KCNAB2: variants seen among roughly 807,000 people sequenced by gnomAD.
The protein encoded by KCNAB2 is potassium voltage-gated channel subfamily A regulatory beta subunit 2.
A neutral mutation model predicts 63.6 loss-of-function variants in KCNAB2; 29 were observed. The observed-to-expected ratio is 0.46, with a 90% CI of 0.34 to 0.62. The LOEUF (loss-of-function observed/expected upper bound fraction) is 0.62, where lower values mean the gene tolerates loss of function less well. Among genes scored for constraint, KCNAB2 ranks in the 20% least tolerant of loss-of-function variants. KCNAB2 has a pLI of 0.01. For missense variants in KCNAB2, 359 were observed against 563.9 expected (o/e 0.64, Z 3.68); for synonymous variants, 222 against 224.2 (o/e 0.99, Z 0.09).
intron 13 of KCNAB2, among the ~76,000 whole-genome samples, chr1:6,095,938 GC>G (rs1447114588): frequency 8.0e-6 from 1 of 124,254 alleles, no homozygotes; most frequent in African/African-American, 3.1e-5. Flanking sequence ...CCCCACCACA[GC>G]CCAGCATTCA....
chr1:6,087,825 C>G lies in KCNAB2; in HGVS notation c.470+314C>G, dbSNP rs561942872. ...AAACCTCGCTTAACTTTCCTTTTTA[C>G]TCACATGGATTATTTTTTCCTGGTC... On this transcript the variant is annotated intron_variant, in intron 7 of 15. Coordinates refer to ENST00000378083, the MANE Select transcript of KCNAB2 (RefSeq NM_001199862.2). The surrounding 1 kb of genome is among the most constrained non-coding windows in gnomAD (Gnocchi z 6.4). Among the ~76,000 whole-genome samples the G allele has an allele frequency of 3.9e-5, 6 of 152,214 alleles. No individual in the cohort carries two copies. The highest frequency in any genetic ancestry group is 8.8e-5 in the Non-Finnish European group (6 of 68,040).
rs971592974 is a variant in KCNAB2, at chr1:6,035,311, G to A, written c.-53+517G>A. On this transcript the variant is annotated intron_variant, in intron 1 of 15. Coordinates refer to the KCNAB2 transcript ENST00000164247. The surrounding 1 kb of genome is among the most constrained non-coding windows in gnomAD (Gnocchi z 5.0). ...TTGAGATTGGACTTTGGCTCTGAAT[G>A]GAATGGAAGCCATTGGAAGGTTTGG... Among the ~76,000 whole-genome samples the A allele has an allele frequency of 6.6e-6, 1 of 152,228 alleles. No individual in the cohort carries two copies. Among genetic ancestry groups the A allele is most frequent in the African/African-American group, 2.4e-5 (1 of 41,442 alleles).
At chr1:6,026,813 C>G (rs938387254) in intron 1 of KCNAB2, among the ~76,000 whole-genome samples, 3 of 152,224 alleles carry the variant, frequency 2.0e-5, no homozygotes, top group Admixed American at 1.3e-4. Flanking sequence ...GGGGCCACCT[C>G]TGTCCCTCTG....
intron 2 of KCNAB2, among the ~76,000 whole-genome samples, chr1:6,068,143 A>T (rs1662908014): frequency 1.3e-5 from 2 of 152,264 alleles, no homozygotes; most frequent in Non-Finnish European, 2.9e-5. Flanking sequence ...AGGAGTTAAA[A>T]GCGGGACTAT....
intron 2 of KCNAB2, among the ~76,000 whole-genome samples, chr1:6,055,348 A>G (rs982273690): frequency 6.8e-6 from 1 of 146,340 alleles, no homozygotes; most frequent in Non-Finnish European, 1.5e-5. Context: ...ACCAGAAGAC[A>G]AACGCTTTTT....
intron 5 of KCNAB2, 74 bp downstream of exon 5, chr1:6,082,348 G>A (rs1364049889): frequency 5.1e-6 from 6 of 1,187,992 alleles, no homozygotes; most frequent in South Asian, 1.2e-5. Context: ...GATTCCTGCC[G>A]CTCGCGTTCC....
chr1:6,086,493 T>TA lies in KCNAB2; in HGVS notation c.426-973dup, dbSNP rs1274722979. On this transcript the variant is annotated intron_variant, in intron 6 of 15. Coordinates refer to ENST00000378083, the MANE Select transcript of KCNAB2 (RefSeq NM_001199862.2). This position sits in a 1 kb window ranked among gnomAD's most constrained non-coding sequence, Gnocchi z 4.2. ...ATGCTTCGGGGCAGAGGAGGCCTCCTACTCCAGCCTCGTGAGCTGCTTCCC... is the reference window on the plus strand; with the variant it reads ...ATGCTTCGGGGCAGAGGAGGCCTCCTAACTCCAGCCTCGTGAGCTGCTTCCC... 3 of 608,540 alleles carry TA rather than the reference T, an allele frequency of 4.9e-6. No individual in the cohort carries two copies. The East Asian group carries it at 4.3e-4, about 86-fold the overall frequency. The allele number at this position is 608,540 out of a possible 1,614,324, so 37.7% of individuals were successfully genotyped here.
chr1:6,085,703 G>A (rs559190056), intron 6 of KCNAB2: 3 of 405,034 alleles, frequency 7.4e-6, no homozygotes, highest in East Asian at 1.3e-4. Flanking sequence ...GAGCTTGGGG[G>A]CCTGGGGTTG....
Position 6,024,791 on chromosome 1 carries a change from T to A in KCNAB2, c.-52-15726T>A, listed in dbSNP as rs1461119465. ...CCAGAGCCAGAGTTCCATGGGGGGCTCCAGGGCAGGAGGTCAAGGTATGTG... is the reference window on the plus strand; with the variant it reads ...CCAGAGCCAGAGTTCCATGGGGGGCACCAGGGCAGGAGGTCAAGGTATGTG... On this transcript the variant is annotated intron_variant, in intron 1 of 16. Transcript: ENST00000341524. The surrounding 1 kb of genome is among the most constrained non-coding windows in gnomAD (Gnocchi z 5.4). Among the ~76,000 whole-genome samples the A allele has an allele frequency of 6.6e-6, 1 of 152,108 alleles. No homozygotes were observed. The highest frequency in any genetic ancestry group is 2.1e-4 in the South Asian group (1 of 4,830).
chr1:6,080,763 T>C (rs1343348828), intron 4 of KCNAB2, among the ~76,000 whole-genome samples: 3 of 152,150 alleles, frequency 2.0e-5, no homozygotes, highest in Admixed American at 1.3e-4. Context: ...ATGGGCCTTC[T>C]CCCATGGGTG....
intron 2 of KCNAB2, among the ~76,000 whole-genome samples, chr1:6,053,563 G>T (rs1259159830): frequency 1.3e-5 from 2 of 152,200 alleles, no homozygotes; most frequent in African/African-American, 2.4e-5. Flanking sequence ...GAGGGGTCTG[G>T]AATGGATGCC....
chr1:6,066,391 G>C (rs1336304020), intron 2 of KCNAB2, among the ~76,000 whole-genome samples: 1 of 152,214 alleles, frequency 6.6e-6, no homozygotes, highest in Non-Finnish European at 1.5e-5. Context: ...GTCAGACTTG[G>C]GCAGTTTGTG....
At chr1:6,021,216 T>G (rs1289860620) in intron 1 of KCNAB2, among the ~76,000 whole-genome samples, 1 of 152,164 alleles carries the variant, frequency 6.6e-6, no homozygotes, top group Non-Finnish European at 1.5e-5. Context: ...CAGGCTGGTC[T>G]TAAGTTCCTG....
At chr1:5,997,627 C>T (rs11578721) in intron 1 of KCNAB2, among the ~76,000 whole-genome samples, 174 of 152,326 alleles carry the variant, frequency 1.1e-3, no homozygotes, top group Non-Finnish European at 2.1e-3. Context: ...ATTGCAATCT[C>T]AGGCCCTGGT....
intron 1 of KCNAB2, among the ~76,000 whole-genome samples, chr1:6,011,464 C>T (rs1198567179): frequency 1.9e-5 from 2 of 106,490 alleles, no homozygotes; most frequent in African/African-American, 3.7e-5. Flanking sequence ...GAGGCAGGCA[C>T]GTGTGCCCAG....
chr1:5,993,905 G>A (rs914788004), intron 1 of KCNAB2, among the ~76,000 whole-genome samples: 1 of 152,190 alleles, frequency 6.6e-6, no homozygotes, highest in East Asian at 1.9e-4. Flanking sequence ...TTAGGAACCA[G>A]ACCTGAGCTG....
At chr1:6,021,972 AGT>A (rs759443019) in intron 1 of KCNAB2, among the ~76,000 whole-genome samples, 1 of 150,924 alleles carries the variant, frequency 6.6e-6, no homozygotes, top group Non-Finnish European at 1.5e-5. Flanking sequence ...AGTGGTACTG[AGT>A]GTGTAGTTCA....
At chr1:6,011,629 T>C (rs1246290773) in intron 1 of KCNAB2, among the ~76,000 whole-genome samples, 1 of 152,224 alleles carries the variant, frequency 6.6e-6, no homozygotes, top group Non-Finnish European at 1.5e-5. Flanking sequence ...CGAAGGGCTT[T>C]TGAGAAAAGC....
intron 15 of KCNAB2, chr1:6,098,173 C>T (rs559172381): frequency 4.5e-6 from 5 of 1,100,204 alleles, no homozygotes; most frequent in Admixed American, 4.9e-5. Flanking sequence ...AAAGCAGTCA[C>T]GGACATGGAA....
Sources: allele counts gnomAD v4.1 joint callset (sites outside exome capture counted in the v4.1 genomes callset), GRCh38; gene constraint gnomAD v4.1.1; non-coding constraint Gnocchi (gnomAD v3.1); transcripts MANE v1.5; gene names NCBI Gene and HGNC (gene_info 2026-07-23, HGNC 2026-07-21).